GPC5: variants seen among roughly 807,000 people sequenced by gnomAD.
The protein encoded by GPC5 is glypican 5.
In GPC5, 47 loss-of-function variants were observed where a neutral mutation model predicts 53.9. The observed-to-expected ratio is 0.87, with a 90% CI of 0.69 to 1.11. The LOEUF is 1.11. GPC5 is among the 50% of genes most tolerant of loss of function. GPC5 has a pLI of 0.00. For synonymous variants in GPC5, 286 were observed against 263.3 expected, an observed-to-expected ratio of 1.09 and a Z score of -0.84; for missense variants, 748 against 713.1, an observed-to-expected ratio of 1.05 and a Z score of -0.56.
intron 4 of GPC5, among the ~76,000 whole-genome samples, chr13:91,748,232 G>T (rs1263701350): frequency 6.6e-6 from 1 of 152,168 alleles, no homozygotes; most frequent in Non-Finnish European, 1.5e-5. Flanking sequence ...ATATTAATGT[G>T]TCACTACATA....
At chr13:91,963,421 A>C (rs1370109609) in intron 6 of GPC5, among the ~76,000 whole-genome samples, 1 of 152,200 alleles carries the variant, frequency 6.6e-6, no homozygotes, top group Non-Finnish European at 1.5e-5. Flanking sequence ...CTATGTGTAC[A>C]TAAGGGAATG....
intron 2 of GPC5, among the ~76,000 whole-genome samples, chr13:91,559,545 T>G (rs779044769): frequency 6.6e-6 from 1 of 152,132 alleles, no homozygotes; most frequent in Non-Finnish European, 1.5e-5. Context: ...CAAATTTTTG[T>G]TTGAAAGTTA....
chr13:92,442,097 CAAAT>C (rs1191478989), intron 7 of GPC5, among the ~76,000 whole-genome samples: 4 of 152,066 alleles, frequency 2.6e-5, no homozygotes, highest in African/African-American at 9.6e-5. Flanking sequence ...AATCTCGAGA[CAAAT>C]AAAGAAAATT....
intron 1 of GPC5, among the ~76,000 whole-genome samples, chr13:91,417,048 C>G (rs903767024): frequency 1.3e-5 from 2 of 152,050 alleles, no homozygotes; most frequent in Non-Finnish European, 2.9e-5. Context: ...GTGGATGGAA[C>G]AGAGTGGGGT....
In GPC5 at chr13:91,780,059, A is replaced by T. The variant is rs534671882; in HGVS notation, c.1280+23639A>T. Reference sequence around the variant, plus strand: ...GCAGCACAGTAGGTTTGTTTATACCAGCATCACACAAACACCAAACATGTG... The same window carrying T: ...GCAGCACAGTAGGTTTGTTTATACCTGCATCACACAAACACCAAACATGTG... On this transcript the variant is annotated intron_variant, in intron 5 of 7. Transcript: ENST00000377067. 2.0e-5 allele frequency among the ~76,000 whole-genome samples: 3 copies of T among 152,316 alleles called. 1 individual carries two copies. In the South Asian group the frequency reaches 6.2e-4, roughly 32 times the overall value.
chr13:92,510,815 G>A (rs78626030), intron 7 of GPC5, among the ~76,000 whole-genome samples: 1 of 152,162 alleles, frequency 6.6e-6, no homozygotes, highest in South Asian at 2.1e-4. Context: ...AGGGTGATTA[G>A]ATTGATAGCA....
intron 7 of GPC5, among the ~76,000 whole-genome samples, chr13:92,291,640 A>G (rs1486081941): frequency 6.6e-6 from 1 of 152,102 alleles, no homozygotes; most frequent in Non-Finnish European, 1.5e-5. Flanking sequence ...AGCAGTGGCA[A>G]CCCGCTAGGG....
At position 92,285,904 on chromosome 13, in the gene GPC5, CT is replaced by C; in HGVS notation, c.1561+140916del. ...AATTGACAAATGGGATCTAATTAAACTAAAGAGCTTCTGCACAGCAAAAAAA... is the reference window on the plus strand; with the variant it reads ...AATTGACAAATGGGATCTAATTAAACAAAGAGCTTCTGCACAGCAAAAAAA... On this transcript the variant is annotated intron_variant, in intron 7 of 7. Coordinates refer to ENST00000377067, the MANE Select transcript of GPC5 (RefSeq NM_004466.6). 1.3e-5 allele frequency among the ~76,000 whole-genome samples: 2 copies of C among 150,392 alleles called. 1 individual carries two copies. Among genetic ancestry groups the C allele is most frequent in the South Asian group, 4.2e-4 (2 of 4,810 alleles).
intron 7 of GPC5, among the ~76,000 whole-genome samples, chr13:92,553,367 T>C (rs1251809620): frequency 1.3e-5 from 2 of 151,972 alleles, no homozygotes; most frequent in Non-Finnish European, 2.9e-5. Context: ...CTCACCTAGA[T>C]GATTGTACCA....
At chr13:91,436,567 T>C (rs1879986652) in intron 1 of GPC5, among the ~76,000 whole-genome samples, 2 of 152,220 alleles carry the variant, frequency 1.3e-5, no homozygotes, top group Admixed American at 1.3e-4. Flanking sequence ...TGTTATAATT[T>C]CTGTTCTTTT....
intron 7 of GPC5, among the ~76,000 whole-genome samples, chr13:92,354,751 G>C (rs955316186): frequency 6.6e-6 from 1 of 152,120 alleles, no homozygotes; most frequent in Non-Finnish European, 1.5e-5. Flanking sequence ...ACAAAAGCCA[G>C]CCATGCAAAA....
At chr13:92,296,435 G>T (rs1395853246) in intron 7 of GPC5, among the ~76,000 whole-genome samples, 1 of 152,162 alleles carries the variant, frequency 6.6e-6, no homozygotes, top group Non-Finnish European at 1.5e-5. Context: ...TGCTGCTGCT[G>T]TGGGGGATGG....
At chr13:91,472,697 A>G (rs185017241) in intron 2 of GPC5, among the ~76,000 whole-genome samples, 1 of 152,340 alleles carries the variant, frequency 6.6e-6, no homozygotes, top group East Asian at 1.9e-4. Context: ...GCATCTGAAA[A>G]TATTATTGAA....
At chr13:91,667,438 G>A (rs981033862) in intron 2 of GPC5, among the ~76,000 whole-genome samples, 15 of 152,280 alleles carry the variant, frequency 9.9e-5, no homozygotes, top group Admixed American at 6.5e-4. Flanking sequence ...GAGGAAGCAT[G>A]GATGATACAG....
intron 7 of GPC5, among the ~76,000 whole-genome samples, chr13:92,618,087 G>C (rs749025146): frequency 1.3e-5 from 2 of 152,152 alleles, no homozygotes; most frequent in Non-Finnish European, 2.9e-5. Context: ...TGGTGCACCA[G>C]TGAAACTAAG....
chr13:91,835,737 G>T (rs976724663), intron 5 of GPC5, among the ~76,000 whole-genome samples: 3 of 150,754 alleles, frequency 2.0e-5, no homozygotes, highest in African/African-American at 7.3e-5. Context: ...CCTGTCGGGG[G>T]TTGGGGGGTG....
At chr13:92,063,346 A>T (rs1482720800) in intron 6 of GPC5, among the ~76,000 whole-genome samples, 1 of 152,114 alleles carries the variant, frequency 6.6e-6, no homozygotes, top group Non-Finnish European at 1.5e-5. Context: ...TTAAAATGTC[A>T]TGGTGAAGTA....
intron 6 of GPC5, among the ~76,000 whole-genome samples, chr13:91,927,336 C>T (rs1227504699): frequency 6.6e-6 from 1 of 151,984 alleles, no homozygotes; most frequent in East Asian, 1.9e-4. Flanking sequence ...GTCTTAATAT[C>T]CTGGATTTCT....
Position 92,116,279 on chromosome 13 carries a change from A to C in GPC5, c.1402-28551A>C, listed in dbSNP as rs1214508719. 6.1e-3 allele frequency among the ~76,000 whole-genome samples: 925 copies of C among 151,874 alleles called. 17 individuals are homozygous for C. The highest frequency in any genetic ancestry group is 0.019 in the African/African-American group (789 of 41,450). ...CAAACAAACAAACAAACAAAAAAAA[A>C]AAAACAGTGCAGGCACTTATGGGGG... On this transcript the variant is annotated intron_variant, in intron 6 of 7. Transcript: ENST00000377067.
Sources: gnomAD v4.1 joint callset for allele counts (sites outside exome capture counted in the v4.1 genomes callset) on GRCh38, gnomAD v4.1.1 for gene constraint, MANE v1.5 for transcripts, NCBI Gene and HGNC (gene_info 2026-07-23, HGNC 2026-07-21) for gene names.